Variants in FAAH2 observed in about 807,000 individuals in gnomAD.
The protein encoded by FAAH2 is fatty-acid amide hydrolase 2.
In FAAH2, 60 loss-of-function variants were observed where a neutral mutation model predicts 36.9. That is an observed-to-expected ratio of 1.63 (90% CI 1.32 to 2.02). FAAH2 has a LOEUF of 2.02. FAAH2 is among the 30% of genes most tolerant of loss of function. FAAH2 has a pLI of 0.00. For missense variants in FAAH2, 689 were observed against 397.5 expected (o/e 1.73, Z -6.23); for synonymous variants, 214 against 143.8 (o/e 1.49, Z -3.49).
At chrX:57,152,827 T>C in the FAAH2 span, among the ~76,000 whole-genome samples, 4 of 111,300 alleles carry the variant, frequency 3.6e-5, no homozygotes, top group African/African-American at 1.3e-4. Context: ...GTACCTCAGA[T>C]GGAAATGCAG....
intron 1 of FAAH2, among the ~76,000 whole-genome samples, chrX:57,288,389 G>A (rs999350582): frequency 1.3e-5 from 1 of 78,967 alleles, no homozygotes; most frequent in Non-Finnish European, 2.2e-5. Context: ...TCGCTCTGTC[G>A]CCTGGGCTGG....
chrX:57,404,108 A>AT (rs1393838850), intron 7 of FAAH2, among the ~76,000 whole-genome samples: 2 of 112,003 alleles, frequency 1.8e-5, no homozygotes, highest in African/African-American at 3.2e-5. Flanking sequence ...TGGGTTAAAG[A>AT]TTTTTTATAG....
chrX:57,297,768 G>A, intron 2 of FAAH2, among the ~76,000 whole-genome samples: 1 of 12,614 alleles, frequency 7.9e-5, no homozygotes, highest in Middle Eastern at 0.018. Context: ...GATCTACCAA[G>A]CAAATGGAAA....
intron 10 of FAAH2, among the ~76,000 whole-genome samples, chrX:57,464,923 A>C (rs1013842670): frequency 1.2e-4 from 13 of 112,099 alleles, no homozygotes; most frequent in Non-Finnish European, 2.3e-4. Flanking sequence ...TCTTGGACTT[A>C]GAAGACAAAT....
chrX:57,400,467 G>T (rs1384427269), intron 7 of FAAH2, among the ~76,000 whole-genome samples: 1 of 112,441 alleles, frequency 8.9e-6, no homozygotes, highest in Non-Finnish European at 1.9e-5. Context: ...CTGTTGGCAT[G>T]CTTAACACTG....
At chrX:57,265,833 A>G in the FAAH2 span, among the ~76,000 whole-genome samples, 47 of 111,815 alleles carry the variant, frequency 4.2e-4, no homozygotes, top group Non-Finnish European at 6.6e-4. Context: ...ACACTGCCCT[A>G]TGAAAAAGTG....
At position 57,310,576 on chromosome X, in the gene FAAH2, GT is replaced by G. The variant is rs765257960; in HGVS notation, c.276-13del. The G allele has an allele frequency of 1.9e-3, 2,281 of 1,188,855 alleles. 14 individuals carry two copies. Among genetic ancestry groups the G allele is most frequent in the South Asian group, 0.018 (957 of 52,220 alleles). ...GACTTGTTTAGTTAAAGTTTGCATT[GT>G]TTTATTTCTTCTTAGGTTTGAGGAA... is the stretch of plus-strand genomic sequence containing the variant. On this transcript the variant is annotated splice_polypyrimidine_tract_variant and intron_variant, in intron 2 of 10. Transcript: ENST00000374900.
At chrX:57,204,979 A>G in the FAAH2 span, among the ~76,000 whole-genome samples, 1 of 112,368 alleles carries the variant, frequency 8.9e-6, no homozygotes, top group Non-Finnish European at 1.9e-5. Flanking sequence ...AGAAGCTGGA[A>G]CGCCATCACC....
intron 5 of FAAH2, among the ~76,000 whole-genome samples, chrX:57,375,198 G>A (rs1163627811): frequency 9.2e-6 from 1 of 109,071 alleles, no homozygotes; most frequent in Non-Finnish European, 1.9e-5. Context: ...TTGATGTTAT[G>A]TCCTTTCTGG....
Position 57,442,962 on chromosome X carries a change from T to A in FAAH2, c.1117-3966T>A, listed in dbSNP as rs1305744565. Among the ~76,000 whole-genome samples the A allele has an allele frequency of 3.6e-5, 4 of 111,847 alleles. No homozygotes were observed. In the Admixed American group the frequency reaches 3.8e-4, roughly 11 times the overall value. ...CCCCACTCTCTTCTGGTTTGTAGAG[T>A]TTCTGCCGAGAGATCCACTGTTAGT... On this transcript the variant is annotated intron_variant, in intron 8 of 10. Coordinates refer to ENST00000374900, the MANE Select transcript of FAAH2 (RefSeq NM_174912.4).
the FAAH2 span, among the ~76,000 whole-genome samples, chrX:57,205,069 G>T: frequency 2.5e-4 from 28 of 112,390 alleles, no homozygotes; most frequent in Non-Finnish European, 5.1e-4. Context: ...GTGAGAAAAG[G>T]TGTCCACACA....
chrX:57,260,898 G>T, the FAAH2 span, among the ~76,000 whole-genome samples: 2 of 111,602 alleles, frequency 1.8e-5, no homozygotes, highest in Non-Finnish European at 3.8e-5. Flanking sequence ...ACAACCACAA[G>T]TGTTGGTGAG....
intron 2 of FAAH2, among the ~76,000 whole-genome samples, chrX:57,301,067 A>G (rs2146842575): frequency 9.1e-6 from 1 of 109,773 alleles, no homozygotes; most frequent in Admixed American, 9.8e-5. Context: ...TTCCTCAGGG[A>G]TCTAGAACTA....
intron 10 of FAAH2, among the ~76,000 whole-genome samples, chrX:57,478,168 A>G (rs1300880539): frequency 8.9e-6 from 1 of 111,738 alleles, no homozygotes; most frequent in Non-Finnish European, 1.9e-5. Context: ...CTGACTTTTT[A>G]ATGATTGCCA....
At chrX:57,320,830 T>C (rs2052998933) in intron 3 of FAAH2, among the ~76,000 whole-genome samples, 1 of 112,085 alleles carries the variant, frequency 8.9e-6, no homozygotes, top group Non-Finnish European at 1.9e-5. Flanking sequence ...CCATGCAATA[T>C]TATACAGTTA....
At chrX:57,190,321 A>T in the FAAH2 span, among the ~76,000 whole-genome samples, 1 of 109,747 alleles carries the variant, frequency 9.1e-6, no homozygotes, top group Non-Finnish European at 1.9e-5. Flanking sequence ...AGTGATTCTT[A>T]GCTTGCTGGG....
At chrX:57,231,792 C>T in the FAAH2 span, among the ~76,000 whole-genome samples, 1 of 111,411 alleles carries the variant, frequency 9.0e-6, no homozygotes, top group African/African-American at 3.3e-5. Flanking sequence ...GCAATTAATC[C>T]CTCTGGCAAA....
chrX:57,401,616 G>C (rs1339155796), intron 7 of FAAH2, among the ~76,000 whole-genome samples: 2 of 111,568 alleles, frequency 1.8e-5, no homozygotes, highest in African/African-American at 6.5e-5. Context: ...TAGGCCTTGG[G>C]CTTTTAGGTC....
intron 8 of FAAH2, among the ~76,000 whole-genome samples, chrX:57,441,180 G>A (rs1483639971): frequency 1.8e-5 from 2 of 111,713 alleles, no homozygotes; most frequent in South Asian, 3.7e-4. Context: ...AGAGGGAATG[G>A]TACTAGCTCC....
Sources: gnomAD v4.1 joint callset for allele counts (sites outside exome capture counted in the v4.1 genomes callset) on GRCh38, gnomAD v4.1.1 for gene constraint, MANE v1.5 for transcripts, NCBI Gene and HGNC (gene_info 2026-07-23, HGNC 2026-07-21) for gene names.